The following PIWIL2 variants were observed in gnomAD, a reference collection of about 807,000 sequenced individuals.
The protein encoded by PIWIL2 is piwi like RNA-mediated gene silencing 2.
Under a neutral mutation model 116.5 loss-of-function variants are expected in PIWIL2, and 81 were observed. The observed-to-expected ratio is 0.70, with a 90% CI of 0.58 to 0.84. PIWIL2 has a LOEUF of 0.84. PIWIL2 is among the 40% of genes least tolerant of loss of function. The pLI, the probability that PIWIL2 is intolerant of heterozygous loss-of-function variation, is 0.00. For synonymous variants in PIWIL2, 489 were observed against 429.5 expected, an observed-to-expected ratio of 1.14 and a Z score of -1.71; for missense variants, 1,272 against 1,212.3, an observed-to-expected ratio of 1.05 and a Z score of -0.73.
Position 22,289,152 on chromosome 8 carries a change from CTT to C in PIWIL2, c.986+502_986+503del, listed in dbSNP as rs374688951. 5.2e-4 allele frequency among the ~76,000 whole-genome samples: 70 copies of C among 135,272 alleles called. 1 individual carries two copies. Among genetic ancestry groups the C allele is most frequent in the African/African-American group, 1.1e-3 (42 of 36,712 alleles). The allele number at this position is 135,272 out of a possible 152,430, so 88.7% of individuals were successfully genotyped here. On this transcript the variant is annotated intron_variant, in intron 8 of 22. Transcript: ENST00000356766. ...CCTAATTTCTTTTCTTTTCTTTTTT[CTT>C]TTTTTTTTTTTTTTTGAGAGACGGA... is the stretch of plus-strand genomic sequence containing the variant.
chr8:22,306,697 A>T (rs573041350), intron 13 of PIWIL2, among the ~76,000 whole-genome samples: 1 of 152,352 alleles, frequency 6.6e-6, no homozygotes, highest in African/African-American at 2.4e-5. Context: ...TGGTAACATC[A>T]TAAAGAAAGA....
rs534872643 is a variant in PIWIL2, at chr8:22,349,409, A to G, written c.2404-3550A>G. On this transcript the variant is annotated intron_variant, in intron 20 of 22. Coordinates refer to ENST00000356766, the MANE Select transcript of PIWIL2 (RefSeq NM_018068.5). ...CGGTCTCAACTTTTGTGTACAATATATGTGTGTGTGTATATATATATATAT... is the reference window on the plus strand; with the variant it reads ...CGGTCTCAACTTTTGTGTACAATATGTGTGTGTGTGTATATATATATATAT... Among the ~76,000 whole-genome samples, 162 of 137,376 alleles carry G rather than the reference A, an allele frequency of 1.2e-3. 1 individual carries two copies. In the East Asian group the frequency reaches 0.026, roughly 22 times the overall value. 90.1% of individuals were successfully genotyped at this position (137,376 alleles called of 152,430 possible).
chr8:22,300,242 C>T (rs1346748935), intron 10 of PIWIL2, among the ~76,000 whole-genome samples: 1 of 152,052 alleles, frequency 6.6e-6, no homozygotes, highest in East Asian at 1.9e-4. Flanking sequence ...AGAAGACCCA[C>T]CCAGCAGCCC....
chr8:22,317,176 C>T (rs1238041561), intron 19 of PIWIL2, among the ~76,000 whole-genome samples: 1 of 152,196 alleles, frequency 6.6e-6, no homozygotes, highest in Non-Finnish European at 1.5e-5. Context: ...TTGTTGTTGG[C>T]ATTTTTCCCC....
At chr8:22,348,088 G>A (rs10088707) in intron 20 of PIWIL2, among the ~76,000 whole-genome samples, 13,267 of 151,946 alleles carry the variant, frequency 0.087, 1,960 homozygotes, top group African/African-American at 0.3. Context: ...ATCACTTGAG[G>A]TCAGGAGTTC....
chr8:22,324,850 G>A lies in PIWIL2; in HGVS notation c.2403+6575G>A, dbSNP rs144313057. 3.3e-3 allele frequency among the ~76,000 whole-genome samples: 495 copies of A among 152,206 alleles called. 5 individuals carry two copies. Among genetic ancestry groups the A allele is most frequent in the Middle Eastern group, 0.01 (3 of 294 alleles). Reference sequence around the variant, plus strand: ...TAGACGGAAAATAATCTGAAGACACGGAGAACACCTATCTGTAAGCCAAGA... The same window carrying A: ...TAGACGGAAAATAATCTGAAGACACAGAGAACACCTATCTGTAAGCCAAGA... On this transcript the variant is annotated intron_variant, in intron 20 of 22. Coordinates refer to ENST00000356766, the MANE Select transcript of PIWIL2 (RefSeq NM_018068.5).
chr8:22,303,283 CTAGT>C (rs1831094845), intron 10 of PIWIL2, among the ~76,000 whole-genome samples: 1 of 152,188 alleles, frequency 6.6e-6, no homozygotes, highest in Non-Finnish European at 1.5e-5. Flanking sequence ...GATCTGTAGT[CTAGT>C]TAATGATATT....
chr8:22,355,845 G>A lies in PIWIL2; in HGVS notation c.*340G>A, dbSNP rs1019814744. Reference sequence around the variant, plus strand: ...TCCAAGCACTTTGGGAGGCCGAGGCGGGTGGATCATGAGGTCAGGAGATCA... The same window carrying A: ...TCCAAGCACTTTGGGAGGCCGAGGCAGGTGGATCATGAGGTCAGGAGATCA... On this transcript the variant is annotated 3_prime_UTR_variant, in exon 23 of 23. Coordinates refer to ENST00000356766, the MANE Select transcript of PIWIL2 (RefSeq NM_018068.5). 2.9e-5 allele frequency: 7 copies of A among 244,068 alleles called. No individual in the cohort carries two copies. Among genetic ancestry groups the A allele is most frequent in the Admixed American group, 9.0e-5 (2 of 22,180 alleles). 15.1% of individuals were successfully genotyped at this position (244,068 alleles called of 1,614,324 possible). A position where few individuals can be genotyped will look rare whatever the true frequency, so the allele number is the denominator to read the frequency against.
chr8:22,290,323 G>A lies in PIWIL2; in HGVS notation c.1158G>A (p.Arg386=). The A allele has an allele frequency of 1.9e-6, 3 of 1,606,764 alleles. No individual in the cohort carries two copies. Among genetic ancestry groups the A allele is most frequent in the Non-Finnish European group, 2.6e-6 (3 of 1,173,608 alleles). ...CTGATGTCTCCCATAAGGTCATTCG[G>A]AATGACTGTGTGCTGGATGTCATGT... ...LLADVSHKVI[R]NDCVLDVMHA... is the part of the protein sequence containing the mutation. Residue 386 remains arginine, a synonymous_variant, in exon 10 of 23, where the codon CGG becomes CGA. Coordinates refer to ENST00000356766, the MANE Select transcript of PIWIL2 (RefSeq NM_018068.5).
chr8:22,286,167 C>G (rs762872838), intron 6 of PIWIL2, among the ~76,000 whole-genome samples: 16 of 152,060 alleles, frequency 1.1e-4, no homozygotes, highest in Non-Finnish European at 1.5e-4. Context: ...GGAAAAAAAG[C>G]AACTGAATTT....
intron 20 of PIWIL2, among the ~76,000 whole-genome samples, chr8:22,324,385 G>A (rs562259709): frequency 6.6e-6 from 1 of 151,726 alleles, no homozygotes; most frequent in South Asian, 2.1e-4. Context: ...GGGACATTAA[G>A]TTTGGCCACT....
intron 1 of PIWIL2, chr8:22,275,760 C>T (rs1830350546): frequency 1.3e-5 from 2 of 152,350 alleles, no homozygotes; most frequent in African/African-American, 2.4e-5. Flanking sequence ...GGCCTTGCTT[C>T]TGGTTAGGCC....
At chr8:22,348,193 C>G (rs913667217) in intron 20 of PIWIL2, among the ~76,000 whole-genome samples, 1 of 151,838 alleles carries the variant, frequency 6.6e-6, no homozygotes, top group African/African-American at 2.4e-5. Context: ...CCCAGCTACT[C>G]GGGGGCCGAG....
Position 22,314,358 on chromosome 8 carries a change from A to G in PIWIL2, c.2020A>G (p.Met674Val). Residue 674 changes from methionine (M) to valine (V), a missense_variant, in exon 17 of 23, where the codon ATG (methionine) becomes GTG (valine). Transcript: ENST00000356766. The part of the protein sequence containing the change: ...GKIQMVVCII[M>V]GPRDDLYGAI... ...GATACAGATGGTTGTTTGCATCATC[A>G]TGGGCCCACGTGATGATCTCTATGG... The G allele has an allele frequency of 6.3e-7, 1 of 1,578,780 alleles. No homozygotes were observed. Among genetic ancestry groups the G allele is most frequent in the Non-Finnish European group, 8.6e-7 (1 of 1,159,990 alleles).
intron 7 of PIWIL2, 127 bp downstream of exon 7, chr8:22,287,772 C>T (rs1023216581): frequency 2.9e-6 from 2 of 678,502 alleles, no homozygotes; most frequent in Non-Finnish European, 5.4e-6. Flanking sequence ...TTCCCAAAGC[C>T]CTGGGACTAC....
At chr8:22,286,921 C>CA (rs1019330574) in intron 6 of PIWIL2, among the ~76,000 whole-genome samples, 166 of 151,152 alleles carry the variant, frequency 1.1e-3, no homozygotes, top group African/African-American at 3.8e-3. Flanking sequence ...CGAGCCAGGG[C>CA]AAAAAAAAAT....
chr8:22,306,072 T>A lies in PIWIL2; in HGVS notation c.1545+56T>A, dbSNP rs528629578. On this transcript the variant is annotated intron_variant, in intron 13 of 22. Coordinates refer to ENST00000356766, the MANE Select transcript of PIWIL2 (RefSeq NM_018068.5). ...CCCACTTTGTGAGGCAGCCTTTTGG[T>A]TAACAGTTTGAGTTAGAACCGAGCC... The A allele has an allele frequency of 6.4e-5, 82 of 1,278,476 alleles. 2 individuals carry two copies. The highest frequency in any genetic ancestry group is 4.4e-4 in the South Asian group (37 of 84,170). 79.2% of individuals were successfully genotyped at this position (1,278,476 alleles called of 1,614,324 possible). A position where few individuals can be genotyped will look rare whatever the true frequency, so the allele number is the denominator to read the frequency against.
At position 22,355,529 on chromosome 8, in the gene PIWIL2, G is replaced by A; in HGVS notation, c.*24G>A. On this transcript the variant is annotated 3_prime_UTR_variant, in exon 23 of 23. Transcript: ENST00000356766. The stretch of plus-strand genomic sequence containing the variant: ...GACTGCACAGCTTGGAGATGGGCTG[G>A]TGAGAAGAAAGGCGGCCTCAGAACT... 2 of 1,607,792 alleles carry A rather than the reference G, an allele frequency of 1.2e-6. No homozygotes were observed. Among genetic ancestry groups the A allele is most frequent in the East Asian group, 4.5e-5 (2 of 44,746 alleles).
chr8:22,319,896 G>C lies in PIWIL2; in HGVS notation c.2403+1621G>C, dbSNP rs537637299. On this transcript the variant is annotated intron_variant, in intron 20 of 22. Coordinates refer to ENST00000356766, the MANE Select transcript of PIWIL2 (RefSeq NM_018068.5). ...ACCCAGCTTTGAGGGGAGGGCAGTTGATTCCACCTTCTAATCCAAGGGTGG... is the reference window on the plus strand; with the variant it reads ...ACCCAGCTTTGAGGGGAGGGCAGTTCATTCCACCTTCTAATCCAAGGGTGG... Among the ~76,000 whole-genome samples the C allele has an allele frequency of 1.5e-4, 23 of 152,328 alleles. No homozygotes were observed. In the East Asian group the frequency reaches 3.9e-3, roughly 26 times the overall value.
Sources: allele counts gnomAD v4.1 joint callset (sites outside exome capture counted in the v4.1 genomes callset), GRCh38; gene constraint gnomAD v4.1.1; transcripts MANE v1.5; gene names NCBI Gene and HGNC (gene_info 2026-07-23, HGNC 2026-07-21).